NDP: variants seen among roughly 807,000 people sequenced by gnomAD.
The protein encoded by NDP is norrin cystine knot growth factor NDP.
NDP carries 2 observed loss-of-function variants against 8.4 expected under a neutral mutation model. The ratio of observed to expected loss-of-function variants is 0.24; its 90% CI spans 0.10 to 0.75. NDP has a LOEUF of 0.75. Ranked by LOEUF, NDP falls within the 30% of genes least tolerant of loss-of-function variation. The pLI, the probability that NDP is intolerant of heterozygous loss-of-function variation, is 0.73. For missense variants in NDP, 81 were observed against 110.1 expected (o/e 0.74, Z 1.18); for synonymous variants, 55 against 45.6 (o/e 1.21, Z -0.83).
At chrX:43,969,054 G>A (rs184873816) in intron 1 of NDP, among the ~76,000 whole-genome samples, 557 of 111,752 alleles carry the variant, frequency 5.0e-3, no homozygotes, top group Non-Finnish European at 7.9e-3. Context: ...GGATGTCACA[G>A]GGAGGTTTAC....
At chrX:43,951,727 G>A (rs2035763646) in intron 2 of NDP, among the ~76,000 whole-genome samples, 1 of 110,556 alleles carries the variant, frequency 9.0e-6, no homozygotes, top group Non-Finnish European at 1.9e-5. Context: ...AGTTATCTGA[G>A]AATATACTGG....
At chrX:43,970,459 G>C (rs1351319352) in intron 1 of NDP, among the ~76,000 whole-genome samples, 2 of 111,987 alleles carry the variant, frequency 1.8e-5, no homozygotes, top group African/African-American at 6.5e-5. Context: ...ATCCAACCAC[G>C]GGGGATTATC....
At chrX:43,968,482 C>T (rs1015306108) in intron 1 of NDP, among the ~76,000 whole-genome samples, 32 of 112,746 alleles carry the variant, frequency 2.8e-4, no homozygotes, top group African/African-American at 9.7e-4. Context: ...GCCTCCCCTG[C>T]CCTGCTGCAC....
intron 1 of NDP, chrX:43,966,488 A>G (rs2035858567): frequency 8.9e-6 from 1 of 111,961 alleles, no homozygotes; most frequent in Non-Finnish European, 1.9e-5. Context: ...ATGAGGAATG[A>G]GACACACTCT....
chrX:43,964,613 G>A (rs1245300525), intron 1 of NDP, among the ~76,000 whole-genome samples: 1 of 110,937 alleles, frequency 9.0e-6, no homozygotes, highest in African/African-American at 3.3e-5. Flanking sequence ...TAGACCCATT[G>A]GTCGCCTATG....
At chrX:43,952,018 T>C (rs1231410077) in intron 2 of NDP, among the ~76,000 whole-genome samples, 1 of 112,239 alleles carries the variant, frequency 8.9e-6, no homozygotes, top group Admixed American at 9.4e-5. Flanking sequence ...TCTTGCTATG[T>C]TGTCCAGGCT....
At chrX:43,964,311 C>A (rs1323416306) in intron 1 of NDP, among the ~76,000 whole-genome samples, 2 of 110,680 alleles carry the variant, frequency 1.8e-5, no homozygotes, top group Non-Finnish European at 3.8e-5. Flanking sequence ...GGGAAAGAGG[C>A]AATGAATTAC....
chrX:43,967,006 T>C (rs866105696), intron 1 of NDP, among the ~76,000 whole-genome samples: 15 of 111,672 alleles, frequency 1.3e-4, no homozygotes, highest in African/African-American at 3.6e-4. Context: ...CAATCCGGAA[T>C]GCTCCTAGAC....
At position 43,958,257 on chromosome X, in the gene NDP, G is replaced by A. The variant is rs1001598755; in HGVS notation, c.174+215C>T. 3.6e-5 allele frequency among the ~76,000 whole-genome samples: 4 copies of A among 112,250 alleles called. 1 individual carries two copies. Among genetic ancestry groups the A allele is most frequent in the Non-Finnish European group, 5.6e-5 (3 of 53,269 alleles). On this transcript the variant is annotated intron_variant, in intron 2 of 2. Coordinates refer to ENST00000642620, the MANE Select transcript of NDP (RefSeq NM_000266.4). Reference sequence around the variant, plus strand: ...GGGACAAAGGACACCTGTCCCACTGGATGGGTGTGCACATGATTGATTAGG... The same window carrying A: ...GGGACAAAGGACACCTGTCCCACTGAATGGGTGTGCACATGATTGATTAGG...
At chrX:43,951,788 GA>G (rs1048122847) in intron 2 of NDP, among the ~76,000 whole-genome samples, 38 of 106,286 alleles carry the variant, frequency 3.6e-4, no homozygotes, top group Middle Eastern at 5.0e-3. Context: ...TGAAATACTA[GA>G]AAAAAAAAAC....
chrX:43,968,878 T>C (rs750923067), intron 1 of NDP, among the ~76,000 whole-genome samples: 20 of 112,296 alleles, frequency 1.8e-4, no homozygotes, highest in African/African-American at 6.1e-4. Context: ...GAAAGACTCA[T>C]TTTAATTCAG....
chrX:43,964,325 C>T (rs2035844844), intron 1 of NDP, among the ~76,000 whole-genome samples: 1 of 110,488 alleles, frequency 9.1e-6, no homozygotes, highest in Non-Finnish European at 1.9e-5. Context: ...GAATTACAAT[C>T]CTGGGGTAAA....
chrX:43,961,114 T>C (rs1299380573), intron 1 of NDP, among the ~76,000 whole-genome samples: 1 of 112,538 alleles, frequency 8.9e-6, no homozygotes, highest in Non-Finnish European at 1.9e-5. Flanking sequence ...ATTAAAGTAC[T>C]TTGAAATACA....
Position 43,949,793 on chromosome X carries a change from C to T in NDP, c.*6G>A, listed in dbSNP as rs1482430625. ...CCCATCCAGAAGCCACACACAGCAG[C>T]GGGCCTCAGGAATTGCATTCCTCGC... On this transcript the variant is annotated 3_prime_UTR_variant, in exon 3 of 3. Transcript: ENST00000642620. 7 of 1,167,144 alleles carry T rather than the reference C, an allele frequency of 6.0e-6. No homozygotes were observed. The highest frequency in any genetic ancestry group is 8.0e-6 in the Non-Finnish European group (7 of 871,075).
At chrX:43,950,886 C>A (rs1276802210) in intron 2 of NDP, among the ~76,000 whole-genome samples, 1 of 111,471 alleles carries the variant, frequency 9.0e-6, no homozygotes, top group Non-Finnish European at 1.9e-5. Flanking sequence ...TAAGCACACA[C>A]ACAATTTGCA....
chrX:43,955,674 C>T (rs1321257694), intron 2 of NDP, among the ~76,000 whole-genome samples: 1 of 112,395 alleles, frequency 8.9e-6, no homozygotes, highest in African/African-American at 3.2e-5. Context: ...GGTGCCACCA[C>T]TTAAAACTAT....
chrX:43,970,724 C>A (rs993778676), intron 1 of NDP, among the ~76,000 whole-genome samples: 5 of 111,270 alleles, frequency 4.5e-5, no homozygotes, highest in Non-Finnish European at 1.9e-5. Context: ...GGGATAGTGA[C>A]TGCATCTTCC....
At chrX:43,960,462 G>A (rs1012787228) in intron 1 of NDP, among the ~76,000 whole-genome samples, 1 of 112,424 alleles carries the variant, frequency 8.9e-6, no homozygotes, top group Non-Finnish European at 1.9e-5. Context: ...ACCACTTTAT[G>A]TTCATGCTAA....
At chrX:43,953,127 AACACACACACACAC>A (rs58114928) in intron 2 of NDP, among the ~76,000 whole-genome samples, 3 of 98,241 alleles carry the variant, frequency 3.1e-5, no homozygotes, top group African/African-American at 1.2e-4. Context: ...TGATGTTCTC[AACACACACACACAC>A]ACACACACAC....
Sources: allele counts gnomAD v4.1 joint callset (sites outside exome capture counted in the v4.1 genomes callset), GRCh38; gene constraint gnomAD v4.1.1; transcripts MANE v1.5; gene names NCBI Gene and HGNC (gene_info 2026-07-23, HGNC 2026-07-21).